The following UHRF1 variants were observed in gnomAD, a reference collection of about 807,000 sequenced individuals.
UHRF1 encodes the protein ubiquitin like with PHD and ring finger domains 1, also known as E3 ubiquitin-protein ligase UHRF1.
A neutral mutation model predicts 96.5 loss-of-function variants in UHRF1; 9 were observed. That is an observed-to-expected ratio of 0.09 (90% CI 0.06 to 0.16). The LOEUF (loss-of-function observed/expected upper bound fraction) is 0.16, where lower values mean the gene tolerates loss of function less well. Among genes scored for constraint, UHRF1 ranks in the 10% least tolerant of loss-of-function variants. The pLI, the probability that UHRF1 is intolerant of heterozygous loss-of-function variation, is 1.00. For missense variants in UHRF1, 626 were observed against 1,131.1 expected (o/e 0.55, Z 6.40); for synonymous variants, 455 against 469.9 (o/e 0.97, Z 0.41).
At position 4,941,279 on chromosome 19, in the gene UHRF1, C is replaced by G. The variant is rs2602737; in HGVS notation, c.786-249C>G. Among the ~76,000 whole-genome samples the G allele has an allele frequency of 2.6e-5, 4 of 151,304 alleles. No homozygotes were observed. The South Asian group carries it at 6.3e-4, about 24-fold the overall frequency. ...CTAATTTTTGTATTTTCAGTGGAGGCGGGGGTTCACCATGTTGGCCAGGCT... is the reference window on the plus strand; with the variant it reads ...CTAATTTTTGTATTTTCAGTGGAGGGGGGGGTTCACCATGTTGGCCAGGCT... On this transcript the variant is annotated intron_variant, in intron 5 of 16. Coordinates refer to ENST00000650932, the MANE Select transcript of UHRF1 (RefSeq NM_001048201.3).
At chr19:4,942,031 C>A in intron 7 of UHRF1, 100 bp downstream of exon 7, 1 of 1,281,510 alleles carries the variant, frequency 7.8e-7, no homozygotes, top group Non-Finnish European at 1.0e-6. Flanking sequence ...CGCGGGGGCT[C>A]ACGCCTGCAA....
At chr19:4,903,840 T>C (rs2032001235) in intron 1 of UHRF1, among the ~76,000 whole-genome samples, 1 of 152,130 alleles carries the variant, frequency 6.6e-6, no homozygotes, top group South Asian at 2.1e-4. Flanking sequence ...ACTCTACATT[T>C]ATATTGGTCT....
At chr19:4,928,086 C>G (rs539460381) in intron 2 of UHRF1, among the ~76,000 whole-genome samples, 1 of 152,208 alleles carries the variant, frequency 6.6e-6, no homozygotes, top group Admixed American at 6.5e-5. Flanking sequence ...CAGGGGGTCT[C>G]ACCCAGGGTG....
At chr19:4,942,773 A>G (rs967826484) in intron 7 of UHRF1, among the ~76,000 whole-genome samples, 4 of 152,114 alleles carry the variant, frequency 2.6e-5, no homozygotes, top group South Asian at 2.1e-4. Context: ...TCTACAAAAA[A>G]TGTAAGAAAA....
At position 4,954,388 on chromosome 19, in the gene UHRF1, G is replaced by C. The variant is rs2033795850; in HGVS notation, c.1857G>C (p.Glu619Asp). The change falls in exon 14 of 17, where the codon GAG becomes GAC. Residue 619 changes from glutamate to aspartate, a missense_variant. Transcript: ENST00000650932. The surrounding 1 kb of genome is among the most constrained non-coding windows in gnomAD (Gnocchi z 5.9). ...EGYLEALANR[E>D]REKENSKREE... ...ACCTGGAAGCCCTGGCCAACCGAGA[G>C]CGAGAGAAGGAGAACAGCAAGAGGG... The C allele has an allele frequency of 6.2e-7, 1 of 1,613,656 alleles. No homozygotes were observed. Among genetic ancestry groups the C allele is most frequent in the African/African-American group, 1.3e-5 (1 of 75,060 alleles).
chr19:4,928,894 C>T (rs375342459), intron 2 of UHRF1, among the ~76,000 whole-genome samples: 30 of 152,282 alleles, frequency 2.0e-4, no homozygotes, highest in African/African-American at 5.8e-4. Context: ...CAAAAGCTGC[C>T]GTAAGCACGA....
At position 4,932,805 on chromosome 19, in the gene UHRF1, A is replaced by T. The variant is rs375194423; in HGVS notation, c.634A>T (p.Ile212Phe). 146 of 1,613,808 alleles carry T rather than the reference A, an allele frequency of 9.0e-5. No individual in the cohort carries two copies. The highest frequency in any genetic ancestry group is 1.0e-4 in the Admixed American group (6 of 60,012). The change falls in exon 5 of 17, where the codon ATC becomes TTC. Residue 212 changes from isoleucine (I) to phenylalanine (F), a missense_variant. Ile to Phe is a conservative substitution (Grantham distance 21). Around this residue, in one of 11 missense-constraint regions of UHRF1, gnomAD observed 198 missense variants for 235.1 expected, o/e 0.84. Coordinates refer to ENST00000650932, the MANE Select transcript of UHRF1 (RefSeq NM_001048201.3). ...CGTCCGAGCGCGCGCCCGCACCATC[A>T]TCAAGTGGCAGGACCTGGAGGTGGG... ...RDVRARARTIIKWQDLEVGQV... is the reference protein window; with the variant it reads ...RDVRARARTIFKWQDLEVGQV...
chr19:4,910,610 G>A lies in UHRF1; in HGVS notation c.-10-266G>A, dbSNP rs1373715685. 8.3e-6 allele frequency: 3 copies of A among 362,954 alleles called. No homozygotes were observed. In the East Asian group the frequency reaches 1.2e-4, roughly 15 times the overall value. 22.5% of individuals were successfully genotyped at this position (362,954 alleles called of 1,614,324 possible). On this transcript the variant is annotated intron_variant, in intron 1 of 16. Transcript: ENST00000650932. Reference sequence around the variant, plus strand: ...GGTCGTGGGGAAGGAGGGATGGGTTGGACCTTCTGCTTTTCTTTCAATTCC... The same window carrying A: ...GGTCGTGGGGAAGGAGGGATGGGTTAGACCTTCTGCTTTTCTTTCAATTCC...
chr19:4,956,783 C>A lies in UHRF1; in HGVS notation c.2205C>A (p.Ile735=). 6.2e-7 allele frequency: 1 copy of A among 1,610,514 alleles called. No individual in the cohort carries two copies. Among genetic ancestry groups the A allele is most frequent in the Non-Finnish European group, 8.5e-7 (1 of 1,178,366 alleles). Residue 735 remains isoleucine (I), a synonymous_variant, in exon 16 of 17, where the codon ATC becomes ATA. Coordinates refer to ENST00000650932, the MANE Select transcript of UHRF1 (RefSeq NM_001048201.3). ...ICCQELVFRP[I]TTVCQHNVCK... Reference sequence around the variant, plus strand: ...GTCAGGAGCTGGTGTTCCGGCCCATCACGACCGTGTGCCAGCACAACGTGT... The same window carrying A: ...GTCAGGAGCTGGTGTTCCGGCCCATAACGACCGTGTGCCAGCACAACGTGT...
In UHRF1 at chr19:4,921,915, G is replaced by C. The variant is rs77610485; in HGVS notation, c.154-7307G>C. The stretch of plus-strand genomic sequence containing the variant: ...CTTAGGGAAACTGACCACATACAAG[G>C]CAAGTCTTAAAAACTCGATTTTTAT... On this transcript the variant is annotated intron_variant, in intron 2 of 16. Transcript: ENST00000650932. 1.2e-4 allele frequency among the ~76,000 whole-genome samples: 18 copies of C among 152,290 alleles called. No homozygotes were observed. The East Asian group carries it at 3.3e-3, about 28-fold the overall frequency.
chr19:4,922,307 C>T (rs1000456832), intron 2 of UHRF1, among the ~76,000 whole-genome samples: 10 of 151,972 alleles, frequency 6.6e-5, no homozygotes, highest in Non-Finnish European at 1.2e-4. Context: ...GCTCTGTTGC[C>T]CGGACTGGAG....
Position 4,910,880 on chromosome 19 carries a change from G to A in UHRF1, c.-6G>A. 6.2e-7 allele frequency: 1 copy of A among 1,606,416 alleles called. No individual in the cohort carries two copies. Among genetic ancestry groups the A allele is most frequent in the Non-Finnish European group, 8.5e-7 (1 of 1,175,008 alleles). On this transcript the variant is annotated 5_prime_UTR_variant, in exon 2 of 17. Transcript: ENST00000650932. ...TTTTGCTGTCCCTCCCCTCAGCGCCGACACCATGTGGATCCAGGTTCGGAC... is the reference window on the plus strand; with the variant it reads ...TTTTGCTGTCCCTCCCCTCAGCGCCAACACCATGTGGATCCAGGTTCGGAC...
chr19:4,938,910 A>AT lies in UHRF1; in HGVS notation c.786-2607dup, dbSNP rs1218588180. On this transcript the variant is annotated intron_variant, in intron 5 of 16. Transcript: ENST00000650932. ...AGGCGTGCACCACCATGCCTGACTA[A>AT]TTTTTTTTTTTGTTTTTTGATGAGA... Among the ~76,000 whole-genome samples the AT allele has an allele frequency of 7.3e-3, 959 of 131,282 alleles. 6 individuals are homozygous for AT. Among genetic ancestry groups the AT allele is most frequent in the Middle Eastern group, 9.3e-3 (2 of 214 alleles). The allele number at this position is 131,282 out of a possible 152,430, so 86.1% of individuals were successfully genotyped here.
chr19:4,917,527 G>A (rs973563162), intron 2 of UHRF1, among the ~76,000 whole-genome samples: 4 of 151,510 alleles, frequency 2.6e-5, no homozygotes, highest in African/African-American at 9.7e-5. Context: ...GGTGGTGCAC[G>A]TCTGTAGTCC....
chr19:4,957,599 C>T (rs1306892392), intron 16 of UHRF1, among the ~76,000 whole-genome samples: 6 of 152,114 alleles, frequency 3.9e-5, no homozygotes, highest in East Asian at 1.9e-4. Flanking sequence ...TAAGCCACCG[C>T]GCCCACCCCG....
chr19:4,917,862 C>A (rs1599246543), intron 2 of UHRF1, among the ~76,000 whole-genome samples: 1 of 151,898 alleles, frequency 6.6e-6, no homozygotes, highest in African/African-American at 2.4e-5. Flanking sequence ...TTTGCAGAGA[C>A]AGGGTCTTGC....
intron 9 of UHRF1, among the ~76,000 whole-genome samples, chr19:4,945,642 A>G (rs1415626235): frequency 6.8e-6 from 1 of 147,672 alleles, no homozygotes; most frequent in Non-Finnish European, 1.5e-5. Context: ...TGGGGCTGGA[A>G]TTCACGCCAG....
chr19:4,917,381 C>A (rs1161601098), intron 2 of UHRF1, among the ~76,000 whole-genome samples: 1 of 151,606 alleles, frequency 6.6e-6, no homozygotes, highest in Non-Finnish European at 1.5e-5. Flanking sequence ...CAAGGCCGGG[C>A]GTGGTGGCTT....
intron 2 of UHRF1, among the ~76,000 whole-genome samples, chr19:4,925,374 T>A (rs1426632254): frequency 1.3e-5 from 2 of 152,148 alleles, no homozygotes; most frequent in Non-Finnish European, 2.9e-5. Flanking sequence ...GGAAATTTCA[T>A]AGAAATGGGA....
Sources: gnomAD v4.1 joint callset for allele counts (sites outside exome capture counted in the v4.1 genomes callset) on GRCh38, gnomAD v4.1.1 for gene constraint, gnomAD v4.1.1 regional missense constraint, Gnocchi (gnomAD v3.1) non-coding constraint, MANE v1.5 for transcripts, NCBI Gene and HGNC (gene_info 2026-07-23, HGNC 2026-07-21) for gene names.